The following UBE2D2 variants were observed in gnomAD, a reference collection of about 807,000 sequenced individuals.
UBE2D2 encodes the protein ubiquitin conjugating enzyme E2 D2.
In UBE2D2, 2 loss-of-function variants were observed where a neutral mutation model predicts 24.2. The ratio of observed to expected loss-of-function variants is 0.08; its 90% CI spans 0.03 to 0.26. The LOEUF (loss-of-function observed/expected upper bound fraction) is 0.26, where lower values mean the gene tolerates loss of function less well. Ranked by LOEUF, UBE2D2 falls within the 10% of genes least tolerant of loss-of-function variation. UBE2D2 has a pLI of 1.00. For missense variants in UBE2D2, 44 were observed against 177.6 expected, an observed-to-expected ratio of 0.25 and a Z score of 4.28; for synonymous variants, 58 against 56.5, an observed-to-expected ratio of 1.03 and a Z score of -0.12.
At chr5:139,596,017 C>T (rs1753952529) in intron 1 of UBE2D2, among the ~76,000 whole-genome samples, 1 of 150,674 alleles carries the variant, frequency 6.6e-6, no homozygotes, top group South Asian at 2.1e-4. Flanking sequence ...CCTCAGCCTC[C>T]CGAGTAGCTG....
intron 1 of UBE2D2, among the ~76,000 whole-genome samples, chr5:139,589,807 C>T (rs1024838221): frequency 6.6e-6 from 1 of 151,124 alleles, no homozygotes. Flanking sequence ...TTTTTTGAGA[C>T]GGAGTCTTGC....
intron 1 of UBE2D2, among the ~76,000 whole-genome samples, chr5:139,574,858 T>G (rs754563424): frequency 6.6e-6 from 1 of 152,098 alleles, no homozygotes; most frequent in African/African-American, 2.4e-5. Flanking sequence ...AATTGTACCC[T>G]GCAAGCCTGT....
chr5:139,565,899 C>T (rs1753205470), intron 1 of UBE2D2, among the ~76,000 whole-genome samples: 1 of 152,132 alleles, frequency 6.6e-6, no homozygotes, highest in Non-Finnish European at 1.5e-5. Context: ...CTTTTCTTAA[C>T]AGTAATAGTG....
chr5:139,567,394 G>A (rs1031439903), intron 1 of UBE2D2, among the ~76,000 whole-genome samples: 4 of 151,270 alleles, frequency 2.6e-5, no homozygotes, highest in Non-Finnish European at 4.4e-5. Flanking sequence ...CACCGTGCCC[G>A]GCCTTAAGTA....
chr5:139,621,664 C>T (rs1754516307), intron 5 of UBE2D2, among the ~76,000 whole-genome samples: 1 of 151,918 alleles, frequency 6.6e-6, no homozygotes, highest in Non-Finnish European at 1.5e-5. Flanking sequence ...ACTCTGTCAC[C>T]CAGATTGGAG....
At chr5:139,531,625 C>CAAAAAAAAAAAAA (rs112323447) in intron 1 of UBE2D2, among the ~76,000 whole-genome samples, 14 of 97,290 alleles carry the variant, frequency 1.4e-4, no homozygotes, top group African/African-American at 2.7e-4. Flanking sequence ...AGACCCTATC[C>CAAAAAAAAAAAAA]AAAAAAAAAA....
chr5:139,584,622 T>G (rs1193428384), intron 1 of UBE2D2, among the ~76,000 whole-genome samples: 1 of 148,494 alleles, frequency 6.7e-6, no homozygotes, highest in Non-Finnish European at 1.5e-5. Context: ...ATCCTCTGCC[T>G]CCTGGGTTCC....
intron 1 of UBE2D2, among the ~76,000 whole-genome samples, chr5:139,542,103 CT>C (rs969392402): frequency 5.3e-5 from 8 of 152,156 alleles, no homozygotes; most frequent in African/African-American, 1.9e-4. Flanking sequence ...AGGAGAATTG[CT>C]TGAACCTGGG....
intron 2 of UBE2D2, among the ~76,000 whole-genome samples, chr5:139,614,311 C>T (rs77293633): frequency 0.01 from 1,554 of 152,142 alleles, 9 homozygotes; most frequent in Middle Eastern, 0.017. Context: ...TCAAGCAGTC[C>T]TCTCACCTCA....
At chr5:139,557,386 C>G (rs755290801), upstream of UBE2D2, among the ~76,000 whole-genome samples, 1 of 151,992 alleles carries the variant, frequency 6.6e-6, no homozygotes. Context: ...TCACCAGCCT[C>G]GGCTTCCCCA....
At chr5:139,604,834 T>G (rs1754162387) in intron 2 of UBE2D2, among the ~76,000 whole-genome samples, 1 of 151,874 alleles carries the variant, frequency 6.6e-6, no homozygotes, top group East Asian at 1.9e-4. Context: ...GAGCTATGAT[T>G]TGGCCACTAT....
At chr5:139,530,509 C>G (rs1752587377) in intron 1 of UBE2D2, among the ~76,000 whole-genome samples, 1 of 152,196 alleles carries the variant, frequency 6.6e-6, no homozygotes, top group Admixed American at 6.5e-5. Context: ...TATCGAACCC[C>G]TATCTACATG....
chr5:139,626,772 C>T lies in UBE2D2; in HGVS notation c.415C>T (p.Arg139Trp), dbSNP rs751522912. Reference protein sequence around the residue: ...TDREKYNRIAREWTQKYAM With the variant: ...TDREKYNRIAWEWTQKYAM ...TGTGTACAGGTACAACAGAATAGCT[C>T]GGGAATGGACTCAGAAGTATGCGAT... Residue 139 changes from arginine (R) to tryptophan (W), a missense_variant, in exon 7 of 7, where the codon CGG (arginine) becomes TGG (tryptophan). By Grantham distance (101) the Arg-to-Trp change is moderately radical. Coordinates refer to ENST00000398733, the MANE Select transcript of UBE2D2 (RefSeq NM_003339.3). The T allele has an allele frequency of 1.9e-6, 3 of 1,613,784 alleles. No individual in the cohort carries two copies. The highest frequency in any genetic ancestry group is 2.2e-5 in the South Asian group (2 of 91,050).
chr5:139,567,891 C>A lies in UBE2D2; in HGVS notation c.24+6076C>A, dbSNP rs187526224. ...ACCAGTTTTGTAAATACATTGATCC[C>A]GTAGAAGTTTATGTATTACTCTTCC... is the stretch of plus-strand genomic sequence containing the variant. On this transcript the variant is annotated intron_variant, in intron 1 of 6. Coordinates refer to ENST00000398733, the MANE Select transcript of UBE2D2 (RefSeq NM_003339.3). Among the ~76,000 whole-genome samples the A allele has an allele frequency of 2.0e-5, 3 of 152,202 alleles. No homozygotes were observed. The East Asian group carries it at 5.8e-4, about 29-fold the overall frequency.
At chr5:139,550,390 T>A (rs894051503) in intron 1 of UBE2D2, among the ~76,000 whole-genome samples, 6 of 152,144 alleles carry the variant, frequency 3.9e-5, no homozygotes, top group Non-Finnish European at 8.8e-5. Context: ...ATCAGCACCC[T>A]GTCAAAACAG....
chr5:139,562,158 G>C (rs1220518106), intron 1 of UBE2D2: 1 of 1,322,178 alleles, frequency 7.6e-7, no homozygotes, highest in East Asian at 3.3e-5. Context: ...GCCGAGGGGG[G>C]CGCTGGGGCG....
chr5:139,537,115 G>A (rs184488056), intron 1 of UBE2D2, among the ~76,000 whole-genome samples: 2,179 of 151,460 alleles, frequency 0.014, 20 homozygotes, highest in Non-Finnish European at 0.022. Flanking sequence ...CCCGGGAGGC[G>A]GTGCTTGCAG....
chr5:139,569,842 C>T lies in UBE2D2; in HGVS notation c.24+8027C>T, dbSNP rs182432613. Among the ~76,000 whole-genome samples the T allele has an allele frequency of 2.6e-4, 40 of 152,252 alleles. 1 individual carries two copies. The highest frequency in any genetic ancestry group is 9.1e-4 in the African/African-American group (38 of 41,550). On this transcript the variant is annotated intron_variant, in intron 1 of 6. Transcript: ENST00000398733. ...TTACATAGCTGTTAGGTATATAAAT[C>T]CAGAGGATGCAGCCTTTTTTCTTTT...
At chr5:139,617,770 A>C (rs1754445823) in intron 5 of UBE2D2, among the ~76,000 whole-genome samples, 1 of 152,028 alleles carries the variant, frequency 6.6e-6, no homozygotes, top group South Asian at 2.1e-4. Context: ...TGTATTCCTC[A>C]GTTTTTTCAT....
Sources: gnomAD v4.1 joint callset for allele counts (sites outside exome capture counted in the v4.1 genomes callset) on GRCh38, gnomAD v4.1.1 for gene constraint, MANE v1.5 for transcripts, NCBI Gene and HGNC (gene_info 2026-07-23, HGNC 2026-07-21) for gene names.